The following TRIM61 variants were observed in gnomAD, a reference collection of about 807,000 sequenced individuals.
TRIM61 encodes tripartite motif containing 61.
A neutral mutation model predicts 14.2 loss-of-function variants in TRIM61; 1 was observed. That is an observed-to-expected ratio of 0.07 (90% CI 0.03 to 0.33). The LOEUF (loss-of-function observed/expected upper bound fraction) is 0.33, where lower values mean the gene tolerates loss of function less well. Ranked by LOEUF, TRIM61 falls within the 10% of genes least tolerant of loss-of-function variation. The probability of loss-of-function intolerance (pLI) is 0.99; values close to 1 mark genes in which losing one functional copy is unlikely to be tolerated. For missense variants in TRIM61, 19 were observed against 202.2 expected (o/e 0.09, Z 5.49); for synonymous variants, 8 against 71.6 (o/e 0.11, Z 4.49).
chr4:164,968,326 T>C (rs1247695077), intron 3 of TRIM61: 16 of 962,556 alleles, frequency 1.7e-5, no homozygotes, highest in Non-Finnish European at 2.0e-5. Flanking sequence ...ACAAAAGTAA[T>C]AGATTTTCTT....
intron 2 of TRIM61, among the ~76,000 whole-genome samples, chr4:164,976,376 C>T (rs1732484563): frequency 6.6e-6 from 1 of 152,124 alleles, no homozygotes; most frequent in South Asian, 2.1e-4. Context: ...GGCAGGCCAC[C>T]CCTTCATAAA....
chr4:164,971,883 C>T (rs1432803253), intron 2 of TRIM61, among the ~76,000 whole-genome samples: 2 of 152,174 alleles, frequency 1.3e-5, no homozygotes, highest in African/African-American at 2.4e-5. Context: ...CTTAACTCTT[C>T]TTCTTCCTCT....
intron 2 of TRIM61, among the ~76,000 whole-genome samples, chr4:164,974,368 T>C (rs1164969722): frequency 6.6e-6 from 1 of 152,156 alleles, no homozygotes; most frequent in Non-Finnish European, 1.5e-5. Context: ...TAAATAGCCC[T>C]CCATATTGGC....
intron 3 of TRIM61, 133 bp downstream of exon 3, chr4:164,968,148 G>C (rs1029545869): frequency 1.2e-5 from 12 of 984,692 alleles, no homozygotes; most frequent in Non-Finnish European, 3.6e-6. Context: ...AAAAGGGGAG[G>C]GGAGGGGAGA....
At chr4:164,966,744 C>G (rs1201506545) in intron 3 of TRIM61, among the ~76,000 whole-genome samples, 1 of 152,040 alleles carries the variant, frequency 6.6e-6, no homozygotes, top group African/African-American at 2.4e-5. Context: ...GAAACCCCAT[C>G]TCTACTAAAA....
intron 3 of TRIM61, among the ~76,000 whole-genome samples, chr4:164,962,495 G>A (rs1349620282): frequency 1.3e-5 from 2 of 151,576 alleles, no homozygotes; most frequent in African/African-American, 2.4e-5. Context: ...TGCCCACCTC[G>A]GCCTCCCAAA....
At chr4:164,956,878 G>C in intron 3 of TRIM61, 3 of 793,734 alleles carry the variant, frequency 3.8e-6, no homozygotes, top group Non-Finnish European at 5.8e-6. Context: ...TCTCCCAGGA[G>C]GCTGGGCGAG....
chr4:164,956,617 C>T (rs969692968), intron 3 of TRIM61, among the ~76,000 whole-genome samples: 4 of 152,144 alleles, frequency 2.6e-5, no homozygotes, highest in Admixed American at 6.5e-5. Context: ...GTTACTGTAA[C>T]TTTTAATAAG....
chr4:164,959,162 T>C (rs1732079279), intron 3 of TRIM61: 1 of 167,012 alleles, frequency 6.0e-6, no homozygotes, highest in African/African-American at 2.4e-5. Flanking sequence ...GCCCCATATC[T>C]GCTCATCTCT....
intron 3 of TRIM61, among the ~76,000 whole-genome samples, chr4:164,965,541 C>G (rs558637776): frequency 7.0e-6 from 1 of 143,070 alleles, no homozygotes; most frequent in Admixed American, 7.3e-5. Context: ...TCAAGTGATT[C>G]TCCTGCCTCA....
intron 2 of TRIM61, among the ~76,000 whole-genome samples, chr4:164,972,498 T>TTGTGTG (rs3068821): frequency 2.0e-5 from 3 of 151,622 alleles, no homozygotes. Flanking sequence ...GCCTATTGCT[T>TTGTGTG]TGTGTGTGTG....
intron 3 of TRIM61, chr4:164,956,855 G>C: frequency 1.5e-6 from 1 of 671,524 alleles, no homozygotes. Flanking sequence ...AGCACCCCAA[G>C]CACTGCAGCG....
intron 3 of TRIM61, chr4:164,969,016 G>C (rs1299744824): frequency 1.9e-6 from 2 of 1,042,376 alleles, no homozygotes; most frequent in African/African-American, 1.7e-5. Flanking sequence ...ATCTTCTTGG[G>C]TTATGAGGTA....
intron 3 of TRIM61, chr4:164,956,851 C>A: frequency 1.5e-6 from 1 of 662,856 alleles, no homozygotes; most frequent in Non-Finnish European, 2.5e-6. Flanking sequence ...CTTCAGCACC[C>A]CAAGCACTGC....
rs1579147398 is a variant in TRIM61, at chr4:164,968,278, A to T, written c.525+1200T>A. The stretch of plus-strand genomic sequence containing the variant: ...CTTTCTTAAAGGAAAAGTATATAAG[A>T]AATACAGAAAAAAATTACTGGGCTT... On this transcript the variant is annotated intron_variant, in intron 3 of 4. Transcript: ENST00000329314. The T allele has an allele frequency of 4.3e-6, 2 of 461,370 alleles. No individual in the cohort carries two copies. 28.6% of individuals were successfully genotyped at this position (461,370 alleles called of 1,614,324 possible).
Position 164,960,079 on chromosome 4 carries a change from G to A in TRIM61, c.526-4983C>T, listed in dbSNP as rs986814877. On this transcript the variant is annotated intron_variant, in intron 3 of 4. Transcript: ENST00000329314. Reference sequence around the variant, plus strand: ...AGAGGAAGATTATATGAGGAAACACGGGGGAATGCCATTGGAGTGATGCAT... The same window carrying A: ...AGAGGAAGATTATATGAGGAAACACAGGGGAATGCCATTGGAGTGATGCAT... Among the ~76,000 whole-genome samples the A allele has an allele frequency of 2.1e-4, 32 of 152,242 alleles. 1 individual carries two copies. Among genetic ancestry groups the A allele is most frequent in the East Asian group, 1.2e-3 (6 of 5,184 alleles).
intron 3 of TRIM61, among the ~76,000 whole-genome samples, chr4:164,960,963 T>C (rs1360958657): frequency 6.6e-6 from 1 of 151,618 alleles, no homozygotes; most frequent in African/African-American, 2.4e-5. Context: ...AAAAAATGTA[T>C]ACATATATAC....
At chr4:164,966,600 T>C (rs1035306240) in intron 3 of TRIM61, among the ~76,000 whole-genome samples, 5 of 152,160 alleles carry the variant, frequency 3.3e-5, no homozygotes, top group Non-Finnish European at 7.4e-5. Flanking sequence ...ACTCAAACAT[T>C]AAACCTAGAT....
chr4:164,966,811 GGA>G (rs1732252288), intron 3 of TRIM61, among the ~76,000 whole-genome samples: 2 of 152,128 alleles, frequency 1.3e-5, no homozygotes, highest in South Asian at 4.1e-4. Context: ...TACTTTGGGT[GGA>G]GAGGGTGCGG....
Sources: allele counts gnomAD v4.1 joint callset (sites outside exome capture counted in the v4.1 genomes callset), GRCh38; gene constraint gnomAD v4.1.1; transcripts MANE v1.5; gene names NCBI Gene and HGNC (gene_info 2026-07-23, HGNC 2026-07-21).